MICAL3: variants seen among roughly 807,000 people sequenced by gnomAD.
MICAL3 encodes the protein microtubule associated monooxygenase, calponin and LIM domain containing 3, also known as [F-actin]-monooxygenase MICAL3.
Under a neutral mutation model 207.4 loss-of-function variants are expected in MICAL3, and 62 were observed. The ratio of observed to expected loss-of-function variants is 0.30; its 90% CI spans 0.24 to 0.37. The LOEUF is 0.37. Ranked by LOEUF, MICAL3 falls within the 10% of genes least tolerant of loss-of-function variation. The pLI is 1.00. For synonymous variants in MICAL3, 1,077 were observed against 1,069.3 expected, an observed-to-expected ratio of 1.01 and a Z score of -0.14; for missense variants, 2,368 against 2,635.6, an observed-to-expected ratio of 0.90 and a Z score of 2.22.
At chr22:17,916,662 C>T (rs543160581) in intron 1 of MICAL3, among the ~76,000 whole-genome samples, 46 of 152,254 alleles carry the variant, frequency 3.0e-4, no homozygotes, top group African/African-American at 1.0e-3. Flanking sequence ...AGCTCACTAC[C>T]GTCTGCCCCC....
At chr22:17,860,423 A>ACCG (rs1286674901) in intron 19 of MICAL3, 4 of 985,316 alleles carry the variant, frequency 4.1e-6, no homozygotes, top group Admixed American at 6.2e-5. Flanking sequence ...GGGCTCTCGT[A>ACCG]CCGCCGCCGG....
At chr22:18,002,296 A>AG (rs1923085981) in intron 1 of MICAL3, among the ~76,000 whole-genome samples, 1 of 151,992 alleles carries the variant, frequency 6.6e-6, no homozygotes, top group South Asian at 2.1e-4. Flanking sequence ...CAAAGAGGTT[A>AG]GGGGGAATTT....
At chr22:17,877,273 AGGTTAGGGAGG>A (rs1928755459) in intron 16 of MICAL3, among the ~76,000 whole-genome samples, 1 of 128,636 alleles carries the variant, frequency 7.8e-6, no homozygotes, top group African/African-American at 3.7e-5. Context: ...GAAGTTATGG[AGGTTAGGGAGG>A]TTATGGAGGT....
intron 1 of MICAL3, among the ~76,000 whole-genome samples, chr22:17,910,606 A>G (rs1188094438): frequency 6.6e-6 from 1 of 152,208 alleles, no homozygotes; most frequent in Non-Finnish European, 1.5e-5. Flanking sequence ...CACCCAAGGT[A>G]AGACGACACA....
rs755308125 is a variant in MICAL3, at chr22:17,791,036, C to T, written c.5786G>A (p.Arg1929Gln). Reference sequence around the variant, plus strand: ...GCGTTCCCGGAGCTCCTGCTGCAGTCGACTCTGCCGGTCTTCCAGCTCCAG... The same window carrying T: ...GCGTTCCCGGAGCTCCTGCTGCAGTTGACTCTGCCGGTCTTCCAGCTCCAG... ...RELELEDRQS[R>Q]LQQELRERMA... The change falls in exon 31 of 32, where the codon CGA becomes CAA. Residue 1929 changes from arginine to glutamine, a missense_variant. Physicochemically the swap from Arg to Gln is conservative, Grantham distance 43 (BLOSUM62 1). This residue lies in a region of MICAL3 where 1,770 missense variants were observed against 1,863.2 expected (regional missense o/e 0.95). Coordinates refer to ENST00000441493, the MANE Select transcript of MICAL3 (RefSeq NM_015241.3). The T allele has an allele frequency of 5.6e-6, 9 of 1,612,082 alleles. No individual in the cohort carries two copies. The highest frequency in any genetic ancestry group is 2.2e-5 in the East Asian group (1 of 44,836).
Position 17,979,198 on chromosome 22 carries a change from T to C in MICAL3, c.-75+45083A>G, listed in dbSNP as rs115452931. On this transcript the variant is annotated intron_variant, in intron 1 of 31. Transcript: ENST00000441493. ...AAAAAAACCCTGAGGGGAGTAACCA[T>C]GTCTTATGAGTCACCATATTCTCGA... 2.2e-3 allele frequency among the ~76,000 whole-genome samples: 339 copies of C among 151,808 alleles called. 1 individual carries two copies. Among genetic ancestry groups the C allele is most frequent in the African/African-American group, 8.0e-3 (331 of 41,424 alleles).
At chr22:17,968,521 C>T (rs1329495795) in intron 1 of MICAL3, among the ~76,000 whole-genome samples, 1 of 152,136 alleles carries the variant, frequency 6.6e-6, no homozygotes, top group Non-Finnish European at 1.5e-5. Context: ...CACCACAAAA[C>T]AAAGATATAT....
intron 19 of MICAL3, among the ~76,000 whole-genome samples, chr22:17,846,308 G>A (rs1398868735): frequency 1.3e-5 from 2 of 152,162 alleles, no homozygotes; most frequent in African/African-American, 4.8e-5. Context: ...GTGGTACTCA[G>A]AGGACACTGG....
At chr22:17,794,562 C>T (rs1173633781) in intron 29 of MICAL3, among the ~76,000 whole-genome samples, 3 of 152,218 alleles carry the variant, frequency 2.0e-5, no homozygotes, top group Non-Finnish European at 4.4e-5. Context: ...GAGGTGACTT[C>T]CACCCGTCCG....
At chr22:17,965,366 T>C (rs1314166635) in intron 1 of MICAL3, among the ~76,000 whole-genome samples, 2 of 152,200 alleles carry the variant, frequency 1.3e-5, no homozygotes, top group Non-Finnish European at 2.9e-5. Flanking sequence ...AGAGAGGTCC[T>C]GAAGGCATGT....
chr22:18,021,092 G>A (rs1422607593), intron 1 of MICAL3, among the ~76,000 whole-genome samples: 1 of 152,196 alleles, frequency 6.6e-6, no homozygotes, highest in African/African-American at 2.4e-5. Flanking sequence ...AGTTTAGGTA[G>A]CACCCTAAAG....
chr22:17,790,162 T>C lies in MICAL3; in HGVS notation c.*570A>G, dbSNP rs1398460813. Reference sequence around the variant, plus strand: ...GGCTGGAGGGCAGACCCCTCCTGCGTCCTCCTAATTTGCATAATAATTCAG... The same window carrying C: ...GGCTGGAGGGCAGACCCCTCCTGCGCCCTCCTAATTTGCATAATAATTCAG... On this transcript the variant is annotated 3_prime_UTR_variant, in exon 32 of 32. Coordinates refer to ENST00000441493, the MANE Select transcript of MICAL3 (RefSeq NM_015241.3). 1.3e-5 allele frequency: 2 copies of C among 152,632 alleles called. No individual in the cohort carries two copies. The highest frequency in any genetic ancestry group is 2.1e-4 in the South Asian group (1 of 4,840). 9.5% of individuals were successfully genotyped at this position (152,632 alleles called of 1,614,324 possible).
At chr22:17,832,196 T>C (rs923864340) in intron 20 of MICAL3, 89 bp from the exon 21 acceptor site, 2 of 1,468,866 alleles carry the variant, frequency 1.4e-6, no homozygotes, top group Middle Eastern at 1.7e-4. Flanking sequence ...AAACAATGCA[T>C]GTCAGGCAAA....
chr22:17,908,509 G>A (rs1398061310), intron 1 of MICAL3, among the ~76,000 whole-genome samples: 4 of 152,118 alleles, frequency 2.6e-5, no homozygotes, highest in East Asian at 1.9e-4. Context: ...GGGTTTCATC[G>A]TGTTAGCCAG....
chr22:17,919,684 C>G (rs374395214), intron 1 of MICAL3, among the ~76,000 whole-genome samples: 1 of 152,206 alleles, frequency 6.6e-6, no homozygotes, highest in East Asian at 1.9e-4. Flanking sequence ...GGGGGAGGTG[C>G]TCCCCTGGAG....
intron 5 of MICAL3, among the ~76,000 whole-genome samples, chr22:17,901,657 G>A (rs1931332310): frequency 6.6e-6 from 1 of 152,082 alleles, no homozygotes; most frequent in Non-Finnish European, 1.5e-5. Flanking sequence ...GCAAAAGAAC[G>A]AGACCCTGTC....
chr22:17,897,527 T>G (rs1930957028), intron 7 of MICAL3, among the ~76,000 whole-genome samples: 1 of 152,094 alleles, frequency 6.6e-6, no homozygotes, highest in Non-Finnish European at 1.5e-5. Context: ...TCCATTTGCT[T>G]GGAACAATGA....
At chr22:17,798,704 C>T (rs2061903175) in intron 29 of MICAL3, among the ~76,000 whole-genome samples, 1 of 136,262 alleles carries the variant, frequency 7.3e-6, no homozygotes, top group African/African-American at 3.0e-5. Flanking sequence ...GACAGAGTCT[C>T]CCTCTGTCAC....
chr22:17,937,907 A>G (rs1933615683), intron 1 of MICAL3, among the ~76,000 whole-genome samples: 1 of 152,184 alleles, frequency 6.6e-6, no homozygotes. Flanking sequence ...AAGAGTGCAC[A>G]TATTCTCTTC....
Sources: gnomAD v4.1 joint callset for allele counts (sites outside exome capture counted in the v4.1 genomes callset) on GRCh38, gnomAD v4.1.1 for gene constraint, gnomAD v4.1.1 regional missense constraint, MANE v1.5 for transcripts, NCBI Gene and HGNC (gene_info 2026-07-23, HGNC 2026-07-21) for gene names.